The following DUSP14 variants were observed in gnomAD, a reference collection of about 807,000 sequenced individuals.
DUSP14 encodes dual specificity protein phosphatase 14.
In DUSP14, 5 loss-of-function variants were observed where a neutral mutation model predicts 13.2. The observed-to-expected ratio is 0.38, with a 90% confidence interval of 0.20 to 0.80. The LOEUF is 0.80. Among genes scored for constraint, DUSP14 ranks in the 30% least tolerant of loss-of-function variants. The pLI is 0.44. For missense variants in DUSP14, 185 were observed against 264.0 expected (o/e 0.70, Z 2.07); for synonymous variants, 91 against 103.4 (o/e 0.88, Z 0.73).
chr17:37,489,236 A>T (rs853198), upstream of DUSP14, among the ~76,000 whole-genome samples: 1 of 151,922 alleles, frequency 6.6e-6, no homozygotes, highest in Non-Finnish European at 1.5e-5. Context: ...GGGACTCGGG[A>T]GGTGGGTGTG....
intron 2 of DUSP14, among the ~76,000 whole-genome samples, chr17:37,511,683 G>T (rs1476603439): frequency 6.9e-6 from 1 of 145,826 alleles, no homozygotes; most frequent in Non-Finnish European, 1.5e-5. Context: ...GACCTCCCAG[G>T]CTCAAGTGAT....
At chr17:37,510,941 A>C (rs1402891730) in intron 2 of DUSP14, among the ~76,000 whole-genome samples, 177 bp downstream of exon 2, 1 of 151,916 alleles carries the variant, frequency 6.6e-6, no homozygotes, top group Non-Finnish European at 1.5e-5. Flanking sequence ...TGTATCTAAG[A>C]TCTCAGGAAA....
chr17:37,497,428 A>C (rs1479771581), intron 1 of DUSP14, among the ~76,000 whole-genome samples: 1 of 152,004 alleles, frequency 6.6e-6, no homozygotes, highest in Non-Finnish European at 1.5e-5. Context: ...GGCATGCGCT[A>C]CCGCGCCCTG....
chr17:37,494,811 G>A (rs1375143352), intron 1 of DUSP14, among the ~76,000 whole-genome samples: 1 of 152,168 alleles, frequency 6.6e-6, no homozygotes, highest in Non-Finnish European at 1.5e-5. Context: ...TAGCTGGAGG[G>A]ATGATGGAAG....
At chr17:37,510,427 TGAG>T (rs941025265) in intron 1 of DUSP14, 15 of 152,314 alleles carry the variant, frequency 9.8e-5, no homozygotes, top group African/African-American at 3.6e-4. Flanking sequence ...CTCAAGAGGA[TGAG>T]ATTTGTCTGT....
chr17:37,509,243 CTATATATATATATATA>C (rs71135736), intron 1 of DUSP14, among the ~76,000 whole-genome samples: 478 of 44,762 alleles, frequency 0.011, 8 homozygotes, highest in Non-Finnish European at 0.014. Flanking sequence ...TATATACACA[CTATATATATATATATA>C]TATATATATA....
intron 1 of DUSP14, among the ~76,000 whole-genome samples, chr17:37,503,628 C>T (rs1469353737): frequency 2.0e-5 from 3 of 152,180 alleles, no homozygotes; most frequent in Non-Finnish European, 4.4e-5. Flanking sequence ...GGACCAAATA[C>T]AAGAATTCAA....
At chr17:37,509,134 C>T (rs1276628470) in intron 1 of DUSP14, among the ~76,000 whole-genome samples, 7,006 of 26,306 alleles carry the variant, frequency 0.27, 1,344 homozygotes, top group East Asian at 0.75. Context: ...TATATACACA[C>T]ACACACACAC....
rs894338877 is a variant in DUSP14 at position 37,513,489 on chromosome 17, G to A, written c.*620G>A. On this transcript the variant is annotated 3_prime_UTR_variant, in exon 3 of 3. Transcript: ENST00000617516. Reference sequence around the variant, plus strand: ...AGCATTATTTTTAATAAATCTATATGCTTAACATATTAGAATTTTTACTAA... The same window carrying A: ...AGCATTATTTTTAATAAATCTATATACTTAACATATTAGAATTTTTACTAA... The A allele has an allele frequency of 1.2e-5, 2 of 167,012 alleles. No individual in the cohort carries two copies. The highest frequency in any genetic ancestry group is 2.4e-5 in the African/African-American group (1 of 41,456). The allele number at this position is 167,012 out of a possible 1,614,324, so 10.3% of individuals were successfully genotyped here.
intron 1 of DUSP14, among the ~76,000 whole-genome samples, chr17:37,495,130 G>C (rs1049907025): frequency 6.6e-6 from 1 of 152,134 alleles, no homozygotes; most frequent in African/African-American, 2.4e-5. Context: ...TCACCCCTTC[G>C]GCCTTCCAGC....
intron 1 of DUSP14, among the ~76,000 whole-genome samples, chr17:37,494,244 C>T (rs979914715): frequency 3.9e-5 from 6 of 152,178 alleles, no homozygotes; most frequent in Non-Finnish European, 7.3e-5. Flanking sequence ...CCGCCCGCCT[C>T]GGCCTCCCAA....
intron 1 of DUSP14, among the ~76,000 whole-genome samples, chr17:37,509,165 ACACTCTAT>A (rs2054160707): frequency 1.8e-5 from 1 of 56,202 alleles, no homozygotes; most frequent in African/African-American, 6.9e-5. Context: ...ACACACACAC[ACACTCTAT>A]ATATATATGT....
intron 2 of DUSP14, among the ~76,000 whole-genome samples, chr17:37,511,015 T>C (rs1481210323): frequency 6.6e-6 from 1 of 151,742 alleles, no homozygotes; most frequent in Non-Finnish European, 1.5e-5. Context: ...TCAATATATA[T>C]GTAAATGTAT....
At position 37,508,834 on chromosome 17, in the gene DUSP14, A is replaced by G. The variant is rs1253940248; in HGVS notation, c.-180-1843A>G. 4.7e-5 allele frequency among the ~76,000 whole-genome samples: 7 copies of G among 148,364 alleles called. No individual in the cohort carries two copies. In the Admixed American group the frequency reaches 4.7e-4, roughly 10 times the overall value. On this transcript the variant is annotated intron_variant, in intron 1 of 2. Transcript: ENST00000617516. ...TTAAAATGTTAAACATACGTGTCAT[A>G]GGACCCAGCCCTTCACTCCTGGGTA...
At chr17:37,496,041 T>C (rs2054063163) in intron 1 of DUSP14, among the ~76,000 whole-genome samples, 1 of 152,262 alleles carries the variant, frequency 6.6e-6, no homozygotes, top group South Asian at 2.1e-4. Context: ...TTTGGAGATT[T>C]ATAATGAAGA....
intron 1 of DUSP14, among the ~76,000 whole-genome samples, chr17:37,504,372 C>T (rs1016482129): frequency 3.3e-5 from 5 of 152,182 alleles, no homozygotes. Flanking sequence ...GTGTGACTCT[C>T]AGTCTTTGGC....
chr17:37,511,937 A>AGTTTTTTTTTTTTTTTTTTTTTTTTTTT (rs1329764853), intron 2 of DUSP14, among the ~76,000 whole-genome samples: 2 of 16,438 alleles, frequency 1.2e-4, no homozygotes, highest in African/African-American at 2.1e-4. Context: ...CCCCCACCCC[A>AGTTTTTTTTTTTTTTTTTTTTTTTTTTT]CTTTTTTTTT....
upstream of DUSP14, among the ~76,000 whole-genome samples, chr17:37,489,345 C>G (rs2054008939): frequency 1.3e-5 from 2 of 152,082 alleles, no homozygotes; most frequent in South Asian, 4.1e-4. Context: ...CCACGGCTGC[C>G]CGTACCTGTT....
At chr17:37,504,617 G>A (rs1223802817) in intron 1 of DUSP14, among the ~76,000 whole-genome samples, 2 of 152,144 alleles carry the variant, frequency 1.3e-5, no homozygotes, top group Non-Finnish European at 2.9e-5. Flanking sequence ...ATATGAGACA[G>A]GGTCACCCTG....
Sources: allele counts gnomAD v4.1 joint callset (sites outside exome capture counted in the v4.1 genomes callset), GRCh38; gene constraint gnomAD v4.1.1; transcripts MANE v1.5; gene names NCBI Gene and HGNC (gene_info 2026-07-23, HGNC 2026-07-21).